The following GUCY1A2 variants were observed in gnomAD, a reference collection of about 807,000 sequenced individuals.
The protein encoded by GUCY1A2 is guanylate cyclase 1 soluble subunit alpha 2.
In GUCY1A2, 27 loss-of-function variants were observed where a neutral mutation model predicts 63.5. The ratio of observed to expected loss-of-function variants is 0.43; its 90% confidence interval spans 0.31 to 0.59. The LOEUF is 0.59. Ranked by LOEUF, GUCY1A2 falls within the 20% of genes least tolerant of loss-of-function variation. GUCY1A2 has a pLI of 0.11. For missense variants in GUCY1A2, 768 were observed against 913.3 expected (o/e 0.84, Z 2.05); for synonymous variants, 364 against 343.5 (o/e 1.06, Z -0.66).
intron 4 of GUCY1A2, among the ~76,000 whole-genome samples, chr11:106,860,627 T>A (rs1172632396): frequency 6.6e-6 from 1 of 151,964 alleles, no homozygotes; most frequent in Non-Finnish European, 1.5e-5. Context: ...GCATAATGAA[T>A]TCTTTTTACG....
chr11:106,794,838 G>A (rs952642010), intron 5 of GUCY1A2, among the ~76,000 whole-genome samples: 1 of 152,016 alleles, frequency 6.6e-6, no homozygotes, highest in Admixed American at 6.6e-5. Context: ...ATTTAGCATG[G>A]TACCTAGCAC....
At chr11:106,883,686 A>T (rs1859857952) in intron 4 of GUCY1A2, among the ~76,000 whole-genome samples, 1 of 152,114 alleles carries the variant, frequency 6.6e-6, no homozygotes, top group South Asian at 2.1e-4. Context: ...CCTTCAGAAA[A>T]TTTACTCTCA....
chr11:106,829,179 T>C (rs1053655994), intron 4 of GUCY1A2, among the ~76,000 whole-genome samples: 6 of 152,230 alleles, frequency 3.9e-5, no homozygotes, highest in Non-Finnish European at 5.9e-5. Flanking sequence ...AGTTTCCACA[T>C]ACCTTGTTGC....
chr11:106,692,402 C>T (rs1349714780), intron 7 of GUCY1A2, among the ~76,000 whole-genome samples: 1 of 152,050 alleles, frequency 6.6e-6, no homozygotes, highest in Non-Finnish European at 1.5e-5. Flanking sequence ...TGCTTTGGAT[C>T]AATGGATGGC....
intron 4 of GUCY1A2, among the ~76,000 whole-genome samples, chr11:106,851,720 A>G (rs182433378): frequency 1.3e-5 from 2 of 151,964 alleles, no homozygotes; most frequent in African/African-American, 2.4e-5. Flanking sequence ...TTTTATATCA[A>G]TAGCATACTA....
chr11:106,952,626 A>C (rs1860925553), intron 3 of GUCY1A2, among the ~76,000 whole-genome samples: 1 of 151,702 alleles, frequency 6.6e-6, no homozygotes, highest in Admixed American at 6.6e-5. Flanking sequence ...TATCAGTTCA[A>C]GAAGTTTGTG....
intron 5 of GUCY1A2, among the ~76,000 whole-genome samples, chr11:106,798,292 A>C (rs1278693094): frequency 2.6e-5 from 4 of 152,178 alleles, no homozygotes; most frequent in Non-Finnish European, 5.9e-5. Flanking sequence ...AACCAAAAAA[A>C]GTCCAGGACC....
intron 6 of GUCY1A2, among the ~76,000 whole-genome samples, chr11:106,755,813 T>G (rs754902662): frequency 1.6e-4 from 25 of 152,174 alleles, no homozygotes; most frequent in Non-Finnish European, 3.2e-4. Context: ...CTGAGAAGAA[T>G]GTGTATTCTG....
At chr11:106,954,167 A>T (rs1860950194) in intron 3 of GUCY1A2, among the ~76,000 whole-genome samples, 1 of 152,140 alleles carries the variant, frequency 6.6e-6, no homozygotes, top group African/African-American at 2.4e-5. Flanking sequence ...ATAGATTTCC[A>T]TCTTAACACT....
intron 3 of GUCY1A2, among the ~76,000 whole-genome samples, chr11:106,975,607 G>C (rs1333188847): frequency 6.6e-6 from 1 of 152,126 alleles, no homozygotes; most frequent in East Asian, 1.9e-4. Context: ...CCAAAATATG[G>C]TGAAGAGATG....
chr11:106,835,109 C>A (rs1209632434), intron 4 of GUCY1A2, among the ~76,000 whole-genome samples: 2 of 151,572 alleles, frequency 1.3e-5, no homozygotes, highest in Non-Finnish European at 2.9e-5. Context: ...ATTTAGCTCA[C>A]CAAGGGCATC....
intron 4 of GUCY1A2, among the ~76,000 whole-genome samples, chr11:106,902,156 C>T (rs966263711): frequency 8.5e-5 from 13 of 152,138 alleles, no homozygotes; most frequent in African/African-American, 3.1e-4. Flanking sequence ...TTGTACACCT[C>T]CATCAGAGCT....
intron 6 of GUCY1A2, chr11:106,746,533 A>G (rs769069292): frequency 6.3e-6 from 9 of 1,420,244 alleles, no homozygotes; most frequent in Admixed American, 1.7e-5. Context: ...CCTTCTCCCT[A>G]TAAGTGAAGC....
intron 4 of GUCY1A2, among the ~76,000 whole-genome samples, chr11:106,815,428 G>A (rs1473948300): frequency 1.3e-5 from 2 of 151,762 alleles, no homozygotes; most frequent in Admixed American, 1.3e-4. Context: ...CAACTATATG[G>A]ATTCTAAATA....
chr11:106,914,995 G>C (rs765091542), intron 4 of GUCY1A2, among the ~76,000 whole-genome samples: 1 of 152,074 alleles, frequency 6.6e-6, no homozygotes, highest in Non-Finnish European at 1.5e-5. Context: ...ACCTAGAATT[G>C]TATGTACAGC....
At chr11:106,793,686 A>T (rs572854258) in intron 5 of GUCY1A2, among the ~76,000 whole-genome samples, 3 of 152,140 alleles carry the variant, frequency 2.0e-5, no homozygotes, top group Non-Finnish European at 4.4e-5. Flanking sequence ...TTTAAAAATG[A>T]ACAAAGGACC....
At chr11:106,796,287 G>A (rs1440462405) in intron 5 of GUCY1A2, among the ~76,000 whole-genome samples, 1 of 152,064 alleles carries the variant, frequency 6.6e-6, no homozygotes, top group Non-Finnish European at 1.5e-5. Flanking sequence ...TCTTTTATTG[G>A]AGCATTTAGC....
chr11:106,697,924 A>G lies in GUCY1A2; in HGVS notation c.1992-10168T>C, dbSNP rs761779766. Reference sequence around the variant, plus strand: ...ACTGTACCTTAGGCTTGGAACAACAATGACCTCTTCTCTTATGGTCATTTC... The same window carrying G: ...ACTGTACCTTAGGCTTGGAACAACAGTGACCTCTTCTCTTATGGTCATTTC... On this transcript the variant is annotated intron_variant, in intron 7 of 7. Coordinates refer to ENST00000526355, the MANE Select transcript of GUCY1A2 (RefSeq NM_000855.3). 1.1e-4 allele frequency among the ~76,000 whole-genome samples: 17 copies of G among 152,078 alleles called. No homozygotes were observed. The South Asian group carries it at 1.7e-3, about 15-fold the overall frequency.
intron 1 of GUCY1A2, among the ~76,000 whole-genome samples, chr11:106,988,226 C>G (rs779038599): frequency 1.3e-5 from 2 of 152,192 alleles, no homozygotes; most frequent in Non-Finnish European, 2.9e-5. Flanking sequence ...AGTCCATGAC[C>G]AATCTAAATC....
Sources: gnomAD v4.1 joint callset for allele counts (sites outside exome capture counted in the v4.1 genomes callset) on GRCh38, gnomAD v4.1.1 for gene constraint, MANE v1.5 for transcripts, NCBI Gene and HGNC (gene_info 2026-07-23, HGNC 2026-07-21) for gene names.